CLIC5: variants seen among roughly 807,000 people sequenced by gnomAD.
The protein encoded by CLIC5 is CLIC family member 5, also known as chloride intracellular channel protein 5.
Under a neutral mutation model 24.7 loss-of-function variants are expected in CLIC5, and 20 were observed. That is an observed-to-expected ratio of 0.81 (90% CI 0.57 to 1.18). The LOEUF is 1.18. Ranked by LOEUF, CLIC5 falls within the 50% of genes most tolerant of loss-of-function variation. CLIC5 has a pLI of 0.00. For synonymous variants in CLIC5, 159 were observed against 135.6 expected, an observed-to-expected ratio of 1.17 and a Z score of -1.20; for missense variants, 341 against 326.1, an observed-to-expected ratio of 1.05 and a Z score of -0.35.
At chr6:46,128,771 A>T in the CLIC5 span, among the ~76,000 whole-genome samples, 1 of 152,200 alleles carries the variant, frequency 6.6e-6, no homozygotes, top group African/African-American at 2.4e-5. Context: ...ACCCACTACC[A>T]TCCCCTCCAG....
upstream of CLIC5, among the ~76,000 whole-genome samples, chr6:46,016,919 G>A (rs1013953422): frequency 1.3e-5 from 2 of 152,138 alleles, no homozygotes; most frequent in Non-Finnish European, 2.9e-5. Flanking sequence ...CATTTTCACC[G>A]ACACACTTAC....
intron 1 of CLIC5, among the ~76,000 whole-genome samples, chr6:46,065,571 A>G (rs1231546844): frequency 1.3e-5 from 2 of 152,192 alleles, no homozygotes; most frequent in South Asian, 2.1e-4. Flanking sequence ...CATTCACACA[A>G]TGGAATACAA....
At chr6:45,885,776 G>A (rs544198041) in intron 6 of CLIC5, among the ~76,000 whole-genome samples, 1 of 152,338 alleles carries the variant, frequency 6.6e-6, no homozygotes, top group East Asian at 1.9e-4. Context: ...TTTTTAGGAT[G>A]TCTGCAGTAG....
chr6:46,118,501 C>T, the CLIC5 span, among the ~76,000 whole-genome samples: 7 of 152,258 alleles, frequency 4.6e-5, no homozygotes, highest in Non-Finnish European at 7.4e-5. Context: ...TACATATAGA[C>T]GCCTTTCTCC....
chr6:46,005,424 G>T (rs1766515007), intron 1 of CLIC5, among the ~76,000 whole-genome samples: 1 of 152,128 alleles, frequency 6.6e-6, no homozygotes, highest in Admixed American at 6.5e-5. Flanking sequence ...TGCTGCAAAG[G>T]CCTCCCACGC....
chr6:45,974,174 T>C (rs1055731423), intron 1 of CLIC5, among the ~76,000 whole-genome samples: 11 of 151,862 alleles, frequency 7.2e-5, no homozygotes, highest in Non-Finnish European at 1.0e-4. Context: ...TAGTTTTATA[T>C]ATAAAACCAC....
chr6:45,924,360 C>G (rs532404994), intron 4 of CLIC5, among the ~76,000 whole-genome samples: 1 of 152,160 alleles, frequency 6.6e-6, no homozygotes, highest in African/African-American at 2.4e-5. Context: ...AGATATGCTA[C>G]AAGTACACCT....
In CLIC5 at chr6:45,900,118, G is replaced by T. The variant is rs1378131321; in HGVS notation, c.*2970C>A. ...ATACCTTCTCTCTGGGCCAAACTCAGAAGCAGGCATTGCTGACTAGACAGT... is the reference window on the plus strand; with the variant it reads ...ATACCTTCTCTCTGGGCCAAACTCATAAGCAGGCATTGCTGACTAGACAGT... On this transcript the variant is annotated 3_prime_UTR_variant, in exon 6 of 6. Transcript: ENST00000339561. The T allele has an allele frequency of 3.9e-5, 6 of 152,080 alleles. No individual in the cohort carries two copies. The highest frequency in any genetic ancestry group is 8.8e-5 in the Non-Finnish European group (6 of 68,022). The allele number at this position is 152,080 out of a possible 1,614,324, so 9.4% of individuals were successfully genotyped here. A position where few individuals can be genotyped will look rare whatever the true frequency, so the allele number is the denominator to read the frequency against.
intron 4 of CLIC5, among the ~76,000 whole-genome samples, chr6:45,924,828 C>T (rs1281242490): frequency 6.6e-6 from 1 of 151,878 alleles, no homozygotes; most frequent in Non-Finnish European, 1.5e-5. Context: ...TCCTAGATTC[C>T]CAGAATTTCA....
At chr6:45,984,956 C>T (rs1288612735) in intron 1 of CLIC5, among the ~76,000 whole-genome samples, 1 of 152,112 alleles carries the variant, frequency 6.6e-6, no homozygotes, top group East Asian at 1.9e-4. Context: ...AGCTGCCTCA[C>T]GGGGAAGACA....
downstream of CLIC5, among the ~76,000 whole-genome samples, chr6:45,897,132 C>T (rs746670970): frequency 6.6e-6 from 1 of 152,146 alleles, no homozygotes; most frequent in African/African-American, 2.4e-5. Flanking sequence ...CAGCATGTTG[C>T]CTTTGCCCTG....
intron 6 of CLIC5, among the ~76,000 whole-genome samples, chr6:45,889,923 G>A (rs1762335455): frequency 6.6e-6 from 1 of 152,080 alleles, no homozygotes; most frequent in African/African-American, 2.4e-5. Flanking sequence ...AGTGAGTTAG[G>A]TTGCATTCAT....
At chr6:46,086,079 T>C in the CLIC5 span, among the ~76,000 whole-genome samples, 1 of 152,134 alleles carries the variant, frequency 6.6e-6, no homozygotes, top group Non-Finnish European at 1.5e-5. Flanking sequence ...TGGTGCGCCG[T>C]TTTTTAAGCC....
At chr6:45,956,526 C>A (rs1224528661) in intron 1 of CLIC5, among the ~76,000 whole-genome samples, 2 of 149,316 alleles carry the variant, frequency 1.3e-5, no homozygotes, top group African/African-American at 4.9e-5. Flanking sequence ...TCTCGAAGCT[C>A]AACACACTGT....
At chr6:46,015,906 G>A, upstream of CLIC5, 6 of 1,015,304 alleles carry the variant, frequency 5.9e-6, no homozygotes, top group Non-Finnish European at 7.1e-6. Flanking sequence ...CGGCTGCAGG[G>A]CGGGGTCAGC....
chr6:46,034,865 T>C (rs1336914012), intron 1 of CLIC5, among the ~76,000 whole-genome samples: 1 of 152,196 alleles, frequency 6.6e-6, no homozygotes, highest in African/African-American at 2.4e-5. Context: ...TTGGGCATTA[T>C]AGAGAAGGGT....
At chr6:46,121,961 A>G in the CLIC5 span, among the ~76,000 whole-genome samples, 19 of 152,310 alleles carry the variant, frequency 1.2e-4, no homozygotes, top group South Asian at 3.9e-3. Flanking sequence ...AGAGACTTAG[A>G]CTCCCACACA....
At chr6:45,954,769 C>T (rs1172845043) in intron 2 of CLIC5, among the ~76,000 whole-genome samples, 4 of 152,230 alleles carry the variant, frequency 2.6e-5, no homozygotes, top group Admixed American at 2.6e-4. Flanking sequence ...CAGACTCTCA[C>T]ACCTGAAGTC....
At chr6:46,034,615 A>T (rs184998970) in intron 1 of CLIC5, among the ~76,000 whole-genome samples, 49 of 152,254 alleles carry the variant, frequency 3.2e-4, no homozygotes, top group Non-Finnish European at 5.7e-4. Flanking sequence ...AAAAAAAATT[A>T]AAAAAGGAAA....
Sources: allele counts gnomAD v4.1 joint callset (sites outside exome capture counted in the v4.1 genomes callset), GRCh38; gene constraint gnomAD v4.1.1; transcripts MANE v1.5; gene names NCBI Gene and HGNC (gene_info 2026-07-23, HGNC 2026-07-21).